The following PCDHAC1 variants were observed in gnomAD, a reference collection of about 807,000 sequenced individuals.
The protein encoded by PCDHAC1 is protocadherin alpha subfamily C, 1, also known as protocadherin alpha-C1.
A neutral mutation model predicts 60.0 loss-of-function variants in PCDHAC1; 42 were observed. The ratio of observed to expected loss-of-function variants is 0.70; its 90% CI spans 0.55 to 0.90. The LOEUF (loss-of-function observed/expected upper bound fraction) is 0.90, where lower values mean the gene tolerates loss of function less well. PCDHAC1 is among the 40% of genes least tolerant of loss of function. The pLI, the probability that PCDHAC1 is intolerant of heterozygous loss-of-function variation, is 0.00. For missense variants in PCDHAC1, 1,160 were observed against 1,222.3 expected (o/e 0.95, Z 0.76); for synonymous variants, 468 against 499.3 (o/e 0.94, Z 0.84).
rs560121926 is a variant in PCDHAC1 at position 140,949,352 on chromosome 5, T to A, written c.2433+20027T>A. Among the ~76,000 whole-genome samples, 6 of 151,992 alleles carry A rather than the reference T, an allele frequency of 3.9e-5. No individual in the cohort carries two copies. The South Asian group carries it at 1.2e-3, about 31-fold the overall frequency. On this transcript the variant is annotated intron_variant, in intron 1 of 3. Transcript: ENST00000253807. Reference sequence around the variant, plus strand: ...TTGTTATCCAGATTTTCTGTGTCTTTATTTTTTTGTCTAGTTGTCCTATCA... The same window carrying A: ...TTGTTATCCAGATTTTCTGTGTCTTAATTTTTTTGTCTAGTTGTCCTATCA...
At chr5:140,939,897 T>G (rs1563176465) in intron 1 of PCDHAC1, among the ~76,000 whole-genome samples, 1 of 152,230 alleles carries the variant, frequency 6.6e-6, no homozygotes. Flanking sequence ...TCAAATATTC[T>G]GCATTCTTTT....
chr5:140,927,590 T>C lies in PCDHAC1; in HGVS notation c.698T>C (p.Phe233Ser), dbSNP rs782100491. 1.3e-5 allele frequency: 21 copies of C among 1,614,058 alleles called. No homozygotes were observed. Among genetic ancestry groups the C allele is most frequent in the Non-Finnish European group, 1.4e-5 (16 of 1,180,034 alleles). Residue 233 changes from phenylalanine (F) to serine (S), a missense_variant, in exon 1 of 4, where the codon TTT becomes TCT. Around this residue, in one of 3 missense-constraint regions of PCDHAC1, gnomAD observed 1,113 missense variants for 1,163.7 expected, o/e 0.96. Coordinates refer to ENST00000253807, the MANE Select transcript of PCDHAC1 (RefSeq NM_018898.5). ...GACACAAATGACAACGCGCCTGTAT[T>C]TGAGCGCTCCGTATACCGCACCAAG... is the stretch of plus-strand genomic sequence containing the variant. Reference protein sequence around the residue: ...VVDTNDNAPVFERSVYRTKVP... With the variant: ...VVDTNDNAPVSERSVYRTKVP...
chr5:140,981,895 G>A (rs2153826767), intron 2 of PCDHAC1, among the ~76,000 whole-genome samples: 1 of 152,252 alleles, frequency 6.6e-6, no homozygotes, highest in East Asian at 1.9e-4. Flanking sequence ...TCTGAGCGGG[G>A]ATCTGTGAGT....
Position 141,000,421 on chromosome 5 carries a change from A to ATTTT in PCDHAC1, c.2582-9186_2582-9183dup, listed in dbSNP as rs34755515. ...TATATATATATATATATATATATAT[A>ATTTT]TTTTTTTTTTTTTTTTTTTTTTTGA... On this transcript the variant is annotated intron_variant, in intron 3 of 3. Transcript: ENST00000253807. Among the ~76,000 whole-genome samples the ATTTT allele has an allele frequency of 6.1e-3, 170 of 27,980 alleles. 16 individuals carry two copies. The highest frequency in any genetic ancestry group is 7.4e-3 in the Non-Finnish European group (131 of 17,660). The allele number at this position is 27,980 out of a possible 152,430, so 18.4% of individuals were successfully genotyped here.
At chr5:140,980,284 T>C (rs1226756896) in intron 2 of PCDHAC1, among the ~76,000 whole-genome samples, 6 of 152,182 alleles carry the variant, frequency 3.9e-5, no homozygotes, top group African/African-American at 1.4e-4. Flanking sequence ...TCTTGAAAAG[T>C]ACCAAAGCTA....
intron 1 of PCDHAC1, among the ~76,000 whole-genome samples, chr5:140,947,509 T>C (rs1358803536): frequency 2.6e-5 from 4 of 151,722 alleles, no homozygotes; most frequent in Non-Finnish European, 4.4e-5. Flanking sequence ...AATTTTCATA[T>C]AAATTTTAGA....
chr5:140,976,054 G>A (rs1554237225), intron 1 of PCDHAC1, among the ~76,000 whole-genome samples: 1 of 152,134 alleles, frequency 6.6e-6, no homozygotes, highest in African/African-American at 2.4e-5. Context: ...AATTGTGATA[G>A]TAATATATGT....
chr5:140,941,111 G>T (rs1477407055), intron 1 of PCDHAC1, among the ~76,000 whole-genome samples: 2 of 152,090 alleles, frequency 1.3e-5, no homozygotes, highest in Non-Finnish European at 2.9e-5. Context: ...TTACTGGAAA[G>T]ATTAGTCCTT....
At chr5:140,982,240 A>G (rs1257297614) in intron 2 of PCDHAC1, 14 of 694,558 alleles carry the variant, frequency 2.0e-5, no homozygotes, top group Admixed American at 3.6e-5. Flanking sequence ...CAGAATTGCC[A>G]TAAAGATAGA....
chr5:140,965,206 T>A (rs2095879920), intron 1 of PCDHAC1, among the ~76,000 whole-genome samples: 1 of 152,238 alleles, frequency 6.6e-6, no homozygotes. Flanking sequence ...AGATTTCAAA[T>A]TCCTGTGGAA....
At chr5:140,948,849 C>A (rs2094312653) in intron 1 of PCDHAC1, among the ~76,000 whole-genome samples, 1 of 151,046 alleles carries the variant, frequency 6.6e-6, no homozygotes, top group Admixed American at 6.6e-5. Flanking sequence ...GTATTATTTG[C>A]CTTCTTATAT....
At chr5:140,968,946 GCAT>G in intron 1 of PCDHAC1, 4 of 1,614,172 alleles carry the variant, frequency 2.5e-6, no homozygotes, top group Non-Finnish European at 3.4e-6. Flanking sequence ...ATCATTTTGA[GCAT>G]CATCAAGTGC....
Position 140,987,904 on chromosome 5 carries a change from G to T in PCDHAC1, c.2581+5341G>T, listed in dbSNP as rs115515462. 1.9e-3 allele frequency among the ~76,000 whole-genome samples: 290 copies of T among 151,852 alleles called. 1 individual carries two copies. The highest frequency in any genetic ancestry group is 7.0e-3 in the African/African-American group (288 of 41,412). On this transcript the variant is annotated intron_variant, in intron 3 of 3. Transcript: ENST00000253807. ...GTTTATGTGCCCTAGTTTTATATGG[G>T]GATTTATATTCTTAATTGTCTCAAG...
At chr5:140,969,584 G>C in intron 1 of PCDHAC1, 1 of 907,936 alleles carries the variant, frequency 1.1e-6, no homozygotes, top group Non-Finnish European at 1.6e-6. Context: ...GTGAGGATTA[G>C]TCTTAATATT....
chr5:140,967,278 G>T, intron 1 of PCDHAC1: 1 of 1,613,408 alleles, frequency 6.2e-7, no homozygotes, highest in Non-Finnish European at 8.5e-7. Context: ...CACATAGAGA[G>T]TGCGCAGGAC....
chr5:140,933,677 T>A (rs1024721491), intron 1 of PCDHAC1, among the ~76,000 whole-genome samples: 8 of 151,826 alleles, frequency 5.3e-5, no homozygotes, highest in African/African-American at 1.9e-4. Context: ...CTCTCTCACA[T>A]TTTTTTTCCT....
chr5:140,934,349 T>C (rs1466597753), intron 1 of PCDHAC1, among the ~76,000 whole-genome samples: 2 of 152,202 alleles, frequency 1.3e-5, no homozygotes, highest in African/African-American at 4.8e-5. Flanking sequence ...CAGTACAGTG[T>C]GGAGCCACTG....
At chr5:140,961,975 C>T (rs1241757389) in intron 1 of PCDHAC1, among the ~76,000 whole-genome samples, 1 of 152,034 alleles carries the variant, frequency 6.6e-6, no homozygotes, top group Non-Finnish European at 1.5e-5. Flanking sequence ...CCTCCGCCTC[C>T]TGGGTTCACG....
chr5:140,951,966 C>G (rs1554220177), intron 1 of PCDHAC1, among the ~76,000 whole-genome samples: 1 of 152,128 alleles, frequency 6.6e-6, no homozygotes, highest in African/African-American at 2.4e-5. Flanking sequence ...GGTAAATACT[C>G]CTGTTCCAAA....
Sources: gnomAD v4.1 joint callset for allele counts (sites outside exome capture counted in the v4.1 genomes callset) on GRCh38, gnomAD v4.1.1 for gene constraint, gnomAD v4.1.1 regional missense constraint, MANE v1.5 for transcripts, NCBI Gene and HGNC (gene_info 2026-07-23, HGNC 2026-07-21) for gene names.